ST3GAL2: variants seen among roughly 807,000 people sequenced by gnomAD.
The protein encoded by ST3GAL2 is CMP-N-acetylneuraminate-beta-galactosamide-alpha-2,3-sialyltransferase 2.
A neutral mutation model predicts 37.5 loss-of-function variants in ST3GAL2; 16 were observed. That is an observed-to-expected ratio of 0.43 (90% CI 0.29 to 0.65). The LOEUF (loss-of-function observed/expected upper bound fraction) is 0.65. ST3GAL2 is among the 30% of genes least tolerant of loss of function. The pLI is 0.17. For missense variants in ST3GAL2, 383 were observed against 487.8 expected (o/e 0.79, Z 2.02); for synonymous variants, 238 against 202.9 (o/e 1.17, Z -1.47).
chr16:70,437,976 C>T (rs1209849629), intron 1 of ST3GAL2, among the ~76,000 whole-genome samples: 3 of 152,210 alleles, frequency 2.0e-5, no homozygotes, highest in African/African-American at 7.2e-5. Flanking sequence ...CTGCCCCCAG[C>T]ACCTCTCTAG....
intron 5 of ST3GAL2, 115 bp from the exon 6 acceptor site, chr16:70,383,039 G>C: frequency 1.9e-6 from 3 of 1,583,700 alleles, no homozygotes; most frequent in South Asian, 2.3e-5. Context: ...TGTGTCTCCT[G>C]AATCGTGTGG....
chr16:70,421,664 G>C (rs1401836178), intron 1 of ST3GAL2, among the ~76,000 whole-genome samples: 5 of 152,170 alleles, frequency 3.3e-5, no homozygotes. Context: ...GAGGAGGTGG[G>C]GCCCAGGGCC....
intron 4 of ST3GAL2, among the ~76,000 whole-genome samples, chr16:70,384,315 T>C (rs1335766596): frequency 6.6e-6 from 1 of 152,148 alleles, no homozygotes; most frequent in Non-Finnish European, 1.5e-5. Context: ...TGACACATGC[T>C]ACAACACGGA....
chr16:70,382,526 C>T (rs965037373), intron 6 of ST3GAL2, among the ~76,000 whole-genome samples: 2 of 152,064 alleles, frequency 1.3e-5, no homozygotes, highest in Admixed American at 6.6e-5. Context: ...TCAAGTAATC[C>T]GCCCGCCTCA....
At chr16:70,388,113 CAA>C (rs376190238) in intron 4 of ST3GAL2, among the ~76,000 whole-genome samples, 17 of 105,562 alleles carry the variant, frequency 1.6e-4, no homozygotes, top group Non-Finnish European at 1.6e-4. Context: ...ATTCTGTCTC[CAA>C]AAAAAAAAAA....
intron 1 of ST3GAL2, among the ~76,000 whole-genome samples, chr16:70,412,107 T>A (rs1452973418): frequency 1.3e-5 from 2 of 152,242 alleles, no homozygotes; most frequent in Non-Finnish European, 2.9e-5. Context: ...TTCTTCTTAC[T>A]GAAGTACATC....
intron 4 of ST3GAL2, among the ~76,000 whole-genome samples, chr16:70,385,604 C>T (rs756999277): frequency 6.7e-5 from 10 of 149,102 alleles, no homozygotes; most frequent in Non-Finnish European, 1.0e-4. Flanking sequence ...TTGCCTAGGG[C>T]TCGGGGTGGG....
chr16:70,406,618 C>T (rs1567671881), intron 1 of ST3GAL2, among the ~76,000 whole-genome samples: 1 of 151,582 alleles, frequency 6.6e-6, no homozygotes, highest in Admixed American at 6.6e-5. Flanking sequence ...CCCATCTCTA[C>T]TAAAAATACA....
intron 1 of ST3GAL2, among the ~76,000 whole-genome samples, chr16:70,410,651 T>A (rs376595271): frequency 6.6e-6 from 1 of 152,040 alleles, no homozygotes; most frequent in African/African-American, 2.4e-5. Flanking sequence ...ATTTTCTTGA[T>A]GAAGTCTTCA....
chr16:70,415,400 AAGAAACGG>A (rs1489813063), intron 1 of ST3GAL2, among the ~76,000 whole-genome samples: 2 of 152,248 alleles, frequency 1.3e-5, no homozygotes, highest in African/African-American at 4.8e-5. Context: ...GGAAGGTCAC[AAGAAACGG>A]ATAAACCTAA....
At chr16:70,411,221 C>A (rs1473686737) in intron 1 of ST3GAL2, among the ~76,000 whole-genome samples, 3 of 151,928 alleles carry the variant, frequency 2.0e-5, no homozygotes, top group Non-Finnish European at 2.9e-5. Context: ...CCCATCTCTA[C>A]TAAAAATACA....
intron 1 of ST3GAL2, among the ~76,000 whole-genome samples, chr16:70,424,542 G>A (rs1396616873): frequency 6.6e-5 from 10 of 151,642 alleles, no homozygotes; most frequent in South Asian, 6.3e-4. Flanking sequence ...TGGAGGTCGC[G>A]GTGAGCCGAG....
rs1478958024 is a variant in ST3GAL2 at position 70,381,758 on chromosome 16, C to A, written c.984G>T (p.Ala328=). Residue 328 remains alanine (A), a synonymous_variant, in exon 7 of 7, where the codon GCG becomes GCT. Transcript: ENST00000342907. ...TGTCGATGATGTGGGCCTCGAAGTC[C>A]GCGTCGTGCACGCCAGTCTTCCGGA... The part of the protein sequence containing the change: ...GEFRKTGVHD[A]DFEAHIIDML... 6.2e-7 allele frequency: 1 copy of A among 1,614,108 alleles called. No individual in the cohort carries two copies. Among genetic ancestry groups the A allele is most frequent in the Non-Finnish European group, 8.5e-7 (1 of 1,179,962 alleles).
At chr16:70,420,684 A>G (rs1437043076) in intron 1 of ST3GAL2, among the ~76,000 whole-genome samples, 1 of 152,160 alleles carries the variant, frequency 6.6e-6, no homozygotes, top group Non-Finnish European at 1.5e-5. Flanking sequence ...GGCTGTTTTT[A>G]TTCTTTGCAC....
chr16:70,402,214 G>T (rs952751403), intron 1 of ST3GAL2, among the ~76,000 whole-genome samples: 1 of 144,902 alleles, frequency 6.9e-6, no homozygotes, highest in Non-Finnish European at 1.5e-5. Flanking sequence ...CAGGAGAATC[G>T]CTTGAACCCA....
chr16:70,377,690 G>C lies in ST3GAL2; in HGVS notation c.*3999C>G, dbSNP rs1405059996. 6.6e-6 allele frequency: 1 copy of C among 152,068 alleles called. No individual in the cohort carries two copies. Among genetic ancestry groups the C allele is most frequent in the Non-Finnish European group, 1.5e-5 (1 of 68,082 alleles). The allele number at this position is 152,068 out of a possible 1,614,324, so 9.4% of individuals were successfully genotyped here. Reference sequence around the variant, plus strand: ...ATACAAAAATTAGCTGGGCATGGTGGTGCGCATCTGTAATCCCAGCTATTT... The same window carrying C: ...ATACAAAAATTAGCTGGGCATGGTGCTGCGCATCTGTAATCCCAGCTATTT... On this transcript the variant is annotated 3_prime_UTR_variant, in exon 7 of 7. Transcript: ENST00000342907.
At position 70,408,890 on chromosome 16, in the gene ST3GAL2, C is replaced by CAAAAAAAAAAAAAAAAAAAAAAAAA. The variant is rs59060353; in HGVS notation, c.-1003-9382_-1003-9358dup. On this transcript the variant is annotated intron_variant, in intron 1 of 6. Transcript: ENST00000342907. ...TCCTGTAGGAGACAGCTCAAAGAAA[C>CAAAAAAAAAAAAAAAAAAAAAAAAA]AAAAAAAAAAAAAAAAAAAAAAAAA... Among the ~76,000 whole-genome samples, 45 of 59,864 alleles carry CAAAAAAAAAAAAAAAAAAAAAAAAA rather than the reference C, an allele frequency of 7.5e-4. 8 individuals are homozygous for CAAAAAAAAAAAAAAAAAAAAAAAAA. Among genetic ancestry groups the CAAAAAAAAAAAAAAAAAAAAAAAAA allele is most frequent in the African/African-American group, 1.3e-3 (26 of 19,306 alleles). 39.3% of individuals were successfully genotyped at this position (59,864 alleles called of 152,430 possible).
chr16:70,394,119 C>A (rs1315012264), intron 3 of ST3GAL2, among the ~76,000 whole-genome samples: 2 of 152,194 alleles, frequency 1.3e-5, no homozygotes, highest in Non-Finnish European at 2.9e-5. Context: ...CACGCCCAGG[C>A]CTTCATTGCA....
chr16:70,403,108 A>C (rs998690820), intron 1 of ST3GAL2, among the ~76,000 whole-genome samples: 1 of 151,778 alleles, frequency 6.6e-6, no homozygotes, highest in African/African-American at 2.4e-5. Context: ...TAGCAGGGAG[A>C]CCAGAAAGGA....
Sources: gnomAD v4.1 joint callset for allele counts (sites outside exome capture counted in the v4.1 genomes callset) on GRCh38, gnomAD v4.1.1 for gene constraint, MANE v1.5 for transcripts, NCBI Gene and HGNC (gene_info 2026-07-23, HGNC 2026-07-21) for gene names.